Variants in ASTN2 observed in about 807,000 individuals in gnomAD.
ASTN2 encodes astrotactin 2.
A neutral mutation model predicts 139.8 loss-of-function variants in ASTN2; 54 were observed. The observed-to-expected ratio is 0.39, with a 90% CI of 0.31 to 0.48. ASTN2 has a LOEUF of 0.48. ASTN2 is among the 20% of genes least tolerant of loss of function. The pLI is 0.95. For synonymous variants in ASTN2, 756 were observed against 719.5 expected (o/e 1.05, Z -0.81); for missense variants, 1,565 against 1,725.1 (o/e 0.91, Z 1.64).
chr9:117,227,611 G>C (rs1219518719), intron 2 of ASTN2, among the ~76,000 whole-genome samples: 2 of 152,154 alleles, frequency 1.3e-5, no homozygotes, highest in African/African-American at 4.8e-5. Context: ...TATACCCGAG[G>C]ACCGAAAAGG....
At chr9:116,777,074 C>G (rs953395522) in intron 13 of ASTN2, among the ~76,000 whole-genome samples, 2 of 152,162 alleles carry the variant, frequency 1.3e-5, no homozygotes, top group African/African-American at 2.4e-5. Context: ...GCCCCTGATT[C>G]AAGCTGTGCT....
At chr9:117,037,500 A>G (rs1408601640) in intron 6 of ASTN2, among the ~76,000 whole-genome samples, 1 of 152,166 alleles carries the variant, frequency 6.6e-6, no homozygotes, top group Non-Finnish European at 1.5e-5. Flanking sequence ...CAGAGAGGGG[A>G]ATTCACTTGG....
intron 6 of ASTN2, among the ~76,000 whole-genome samples, chr9:117,038,703 T>G (rs1350206069): frequency 2.6e-5 from 4 of 152,208 alleles, no homozygotes; most frequent in African/African-American, 9.6e-5. Flanking sequence ...TTATTATAAT[T>G]ATGCCAAACT....
chr9:117,313,794 G>T (rs1319635005), intron 1 of ASTN2, among the ~76,000 whole-genome samples: 1 of 152,138 alleles, frequency 6.6e-6, no homozygotes, highest in Non-Finnish European at 1.5e-5. Flanking sequence ...GTGCAAGGAG[G>T]AGCAGAATTT....
intron 8 of ASTN2, 79 bp from the exon 9 acceptor site, chr9:116,976,267 G>T: frequency 8.3e-7 from 1 of 1,207,406 alleles, no homozygotes; most frequent in Non-Finnish European, 1.2e-6. Flanking sequence ...CTGCTCTAGA[G>T]TAGCTTTACA....
chr9:116,597,961 A>T (rs1854673680), intron 19 of ASTN2, among the ~76,000 whole-genome samples: 8 of 152,218 alleles, frequency 5.3e-5, no homozygotes, highest in Admixed American at 5.2e-4. Flanking sequence ...ATTATAGATT[A>T]AAGGGCAATT....
intron 7 of ASTN2, among the ~76,000 whole-genome samples, chr9:117,003,983 G>C (rs564526359): frequency 6.9e-6 from 1 of 145,396 alleles, no homozygotes; most frequent in South Asian, 2.1e-4. Context: ...TGTGTTTTGC[G>C]TGTTGGGGTA....
At position 116,472,184 on chromosome 9, in the gene ASTN2, C is replaced by T. The variant is rs139889669; in HGVS notation, c.3497+15175G>A. On this transcript the variant is annotated intron_variant, in intron 20 of 22. Transcript: ENST00000313400. ...CGTTATGAGGCCTTGCAAGTCCTGC[C>T]TCTCCAACCTCATATACTGTACATT... Among the ~76,000 whole-genome samples, 229 of 152,300 alleles carry T rather than the reference C, an allele frequency of 1.5e-3. 1 individual carries two copies. The highest frequency in any genetic ancestry group is 6.0e-3 in the South Asian group (29 of 4,822).
chr9:116,549,700 A>C (rs1424536131), intron 19 of ASTN2, among the ~76,000 whole-genome samples: 1 of 152,194 alleles, frequency 6.6e-6, no homozygotes, highest in Non-Finnish European at 1.5e-5. Flanking sequence ...GCTGAACAGC[A>C]AGATGACTCC....
At chr9:117,066,086 T>C (rs1438615639) in intron 5 of ASTN2, among the ~76,000 whole-genome samples, 1 of 148,676 alleles carries the variant, frequency 6.7e-6, no homozygotes, top group Non-Finnish European at 1.5e-5. Context: ...GTTACATATG[T>C]ATACATGTGC....
intron 3 of ASTN2, among the ~76,000 whole-genome samples, chr9:117,161,796 A>G (rs1459401474): frequency 6.6e-6 from 1 of 152,074 alleles, no homozygotes; most frequent in Non-Finnish European, 1.5e-5. Flanking sequence ...AAGAAAATCT[A>G]CAGAGAGAGA....
At chr9:116,549,337 A>G (rs890091901) in intron 19 of ASTN2, among the ~76,000 whole-genome samples, 2 of 152,140 alleles carry the variant, frequency 1.3e-5, no homozygotes, top group Non-Finnish European at 2.9e-5. Context: ...AGAGGGACAA[A>G]AAGAAATAAA....
intron 6 of ASTN2, among the ~76,000 whole-genome samples, chr9:117,021,398 C>T (rs1346789241): frequency 6.6e-6 from 1 of 152,084 alleles, no homozygotes; most frequent in African/African-American, 2.4e-5. Flanking sequence ...GCTAAATAGC[C>T]AAACCATGGT....
At chr9:116,691,616 TGCCTG>T (rs1158893944) in intron 16 of ASTN2, among the ~76,000 whole-genome samples, 16 of 152,350 alleles carry the variant, frequency 1.1e-4, no homozygotes, top group Non-Finnish European at 1.8e-4. Flanking sequence ...TTCAGGAGCA[TGCCTG>T]TGTTTCCCTA....
At chr9:117,348,380 T>C (rs941018052) in intron 1 of ASTN2, among the ~76,000 whole-genome samples, 3 of 152,220 alleles carry the variant, frequency 2.0e-5, no homozygotes, top group Admixed American at 2.0e-4. Context: ...TGCATAGACA[T>C]AATCCAAGAG....
At chr9:116,782,709 A>C (rs538771648) in intron 13 of ASTN2, among the ~76,000 whole-genome samples, 11 of 152,324 alleles carry the variant, frequency 7.2e-5, no homozygotes, top group Non-Finnish European at 1.6e-4. Flanking sequence ...AACCCAACCA[A>C]AATTCACATT....
chr9:116,877,722 T>G (rs1345270323), intron 10 of ASTN2, among the ~76,000 whole-genome samples: 3 of 152,070 alleles, frequency 2.0e-5, no homozygotes, highest in Non-Finnish European at 1.5e-5. Context: ...ATGATGTGTA[T>G]CCTCCATTCC....
chr9:116,492,085 CT>C (rs796673453), intron 19 of ASTN2, among the ~76,000 whole-genome samples: 3,436 of 142,962 alleles, frequency 0.024, 117 homozygotes, highest in African/African-American at 0.076. Context: ...GTTTTTCTCT[CT>C]TTTTTTTTTT....
At chr9:116,779,800 A>C (rs1830171256) in intron 13 of ASTN2, among the ~76,000 whole-genome samples, 2 of 152,278 alleles carry the variant, frequency 1.3e-5, no homozygotes, top group South Asian at 4.2e-4. Context: ...CACCTGGGTC[A>C]ATAATTAATT....
Sources: allele counts gnomAD v4.1 joint callset (sites outside exome capture counted in the v4.1 genomes callset), GRCh38; gene constraint gnomAD v4.1.1; transcripts MANE v1.5; gene names NCBI Gene and HGNC (gene_info 2026-07-23, HGNC 2026-07-21).